Variants in CCDC85C observed in about 807,000 individuals in gnomAD.
CCDC85C encodes coiled-coil domain-containing protein 85C.
Under a neutral mutation model 38.3 loss-of-function variants are expected in CCDC85C, and 18 were observed. The observed-to-expected ratio is 0.47, with a 90% CI of 0.33 to 0.70. The LOEUF (loss-of-function observed/expected upper bound fraction) is 0.70, where lower values mean the gene tolerates loss of function less well. Ranked by LOEUF, CCDC85C falls within the 30% of genes least tolerant of loss-of-function variation. The pLI is 0.03. For missense variants in CCDC85C, 566 were observed against 621.2 expected (o/e 0.91, Z 0.94); for synonymous variants, 264 against 293.8 (o/e 0.90, Z 1.04).
At chr14:99,602,135 A>C (rs2055205407) in intron 1 of CCDC85C, among the ~76,000 whole-genome samples, 1 of 152,230 alleles carries the variant, frequency 6.6e-6, no homozygotes, top group Non-Finnish European at 1.5e-5. Context: ...TACCAGCAGA[A>C]CTGGAAGCCA....
At chr14:99,560,750 G>T (rs960801287) in intron 1 of CCDC85C, among the ~76,000 whole-genome samples, 12 of 152,230 alleles carry the variant, frequency 7.9e-5, no homozygotes, top group African/African-American at 2.9e-4. Context: ...ACAGGTGAGA[G>T]AGTGGCCGCC....
chr14:99,550,513 T>C (rs1897887550), intron 1 of CCDC85C, among the ~76,000 whole-genome samples: 2 of 152,058 alleles, frequency 1.3e-5, no homozygotes, highest in African/African-American at 4.8e-5. Flanking sequence ...CAGGGTGTAG[T>C]CATGTGTGAC....
In CCDC85C at chr14:99,604,136, C is replaced by T. The variant is rs1219756481; in HGVS notation, c.-177G>A. ...CCCGCCGGGGCCGCCCGGGAGCCCG[C>T]GCGCCTCGGGGTTGACGAGCGGAGG... On this transcript the variant is annotated 5_prime_UTR_variant, in exon 1 of 6. Transcript: ENST00000380243. The T allele has an allele frequency of 6.7e-6, 3 of 445,440 alleles. No homozygotes were observed. Among genetic ancestry groups the T allele is most frequent in the South Asian group, 1.9e-4 (2 of 10,682 alleles). 27.6% of individuals were successfully genotyped at this position (445,440 alleles called of 1,614,324 possible).
intron 2 of CCDC85C, among the ~76,000 whole-genome samples, chr14:99,524,964 C>T (rs965079022): frequency 6.6e-6 from 1 of 152,224 alleles, no homozygotes; most frequent in African/African-American, 2.4e-5. Context: ...TTCCCGAATC[C>T]TTAACAGGGT....
chr14:99,566,660 C>T (rs1258239757), intron 1 of CCDC85C, among the ~76,000 whole-genome samples: 2 of 152,180 alleles, frequency 1.3e-5, no homozygotes, highest in Non-Finnish European at 2.9e-5. Context: ...TGGGCAGGCG[C>T]CCACCTCCTA....
Position 99,603,549 on chromosome 14 carries a change from C to G in CCDC85C, c.411G>C (p.Leu137=). The G allele has an allele frequency of 1.4e-6, 2 of 1,392,554 alleles. No homozygotes were observed. Among genetic ancestry groups the G allele is most frequent in the Non-Finnish European group, 1.9e-6 (2 of 1,079,430 alleles). The allele number at this position is 1,392,554 out of a possible 1,614,324, so 86.3% of individuals were successfully genotyped here. ...LRELEARQEA[L]LRENLELKEL... The stretch of plus-strand genomic sequence containing the variant: ...CCTTGAGCTCCAGGTTCTCGCGCAG[C>G]AGGGCCTCCTGGCGCGCCTCGAGCT... The change falls in exon 1 of 6, where the codon CTG becomes CTC. Residue 137 remains leucine (L), a synonymous_variant. Transcript: ENST00000380243. This position sits in a 1 kb window ranked among gnomAD's most constrained non-coding sequence, Gnocchi z 7.5.
At chr14:99,528,853 G>A (rs1293554801) in intron 2 of CCDC85C, among the ~76,000 whole-genome samples, 2 of 152,144 alleles carry the variant, frequency 1.3e-5, no homozygotes, top group Non-Finnish European at 2.9e-5. Flanking sequence ...GACGAGGGGA[G>A]GGAGAGCATC....
rs560979793 is a variant in CCDC85C at position 99,537,078 on chromosome 14, C to T, written c.794-990G>A. Among the ~76,000 whole-genome samples, 60 of 152,218 alleles carry T rather than the reference C, an allele frequency of 3.9e-4. 1 individual carries two copies. In the South Asian group the frequency reaches 4.4e-3, roughly 11 times the overall value. ...GGGAAGCAAGGCTGTCCCAAGTACCCCTGTGAGCCACGAAGCCACCTGGTA... is the reference window on the plus strand; with the variant it reads ...GGGAAGCAAGGCTGTCCCAAGTACCTCTGTGAGCCACGAAGCCACCTGGTA... On this transcript the variant is annotated intron_variant, in intron 1 of 5. Transcript: ENST00000380243.
intron 1 of CCDC85C, among the ~76,000 whole-genome samples, chr14:99,590,364 G>T (rs1023560423): frequency 2.6e-5 from 4 of 152,200 alleles, no homozygotes; most frequent in African/African-American, 4.8e-5. Flanking sequence ...GCTGGAGCAG[G>T]CAGAGGCATT....
chr14:99,603,635 C>A lies in CCDC85C; in HGVS notation c.325G>T (p.Gly109Trp). 1.4e-6 allele frequency: 2 copies of A among 1,470,758 alleles called. No homozygotes were observed. The highest frequency in any genetic ancestry group is 1.8e-6 in the Non-Finnish European group (2 of 1,112,306). 91.1% of individuals were successfully genotyped at this position (1,470,758 alleles called of 1,614,324 possible). A position where few individuals can be genotyped will look rare whatever the true frequency, so the allele number is the denominator to read the frequency against. The change falls in exon 1 of 6, where the codon GGG becomes TGG. Residue 109 changes from glycine to tryptophan, a missense_variant. Physicochemically the swap from Gly to Trp is radical, Grantham distance 184 (BLOSUM62 -2). Transcript: ENST00000380243. This position sits in a 1 kb window ranked among gnomAD's most constrained non-coding sequence, Gnocchi z 7.5. ...CACACGGCGCCGGCCGCGTGGCGCC[C>A]GAAGCGCTGCCACTCGCGCGCCAGC... The part of the protein sequence containing the change: ...RKLAREWQRF[G>W]RHAAGAVWHE...
chr14:99,603,627 G>T lies in CCDC85C; in HGVS notation c.333C>A (p.His111Gln), dbSNP rs923162460. 2.7e-6 allele frequency: 4 copies of T among 1,463,782 alleles called. No homozygotes were observed. The African/African-American group carries it at 5.9e-5, about 22-fold the overall frequency. 90.7% of individuals were successfully genotyped at this position (1,463,782 alleles called of 1,614,324 possible). A position where few individuals can be genotyped will look rare whatever the true frequency, so the allele number is the denominator to read the frequency against. Residue 111 changes from histidine (H) to glutamine (Q), a missense_variant, in exon 1 of 6, where the codon CAC becomes CAA. Physicochemically the swap from His to Gln is conservative, Grantham distance 24. Coordinates refer to ENST00000380243, the MANE Select transcript of CCDC85C (RefSeq NM_001144995.2). This position sits in a 1 kb window ranked among gnomAD's most constrained non-coding sequence, Gnocchi z 7.5. ...LAREWQRFGR[H>Q]AAGAVWHEVA... ...CCTCGTGCCACACGGCGCCGGCCGCGTGGCGCCCGAAGCGCTGCCACTCGC... is the reference window on the plus strand; with the variant it reads ...CCTCGTGCCACACGGCGCCGGCCGCTTGGCGCCCGAAGCGCTGCCACTCGC...
intron 1 of CCDC85C, among the ~76,000 whole-genome samples, chr14:99,581,325 C>G (rs1475921320): frequency 1.3e-5 from 2 of 152,242 alleles, no homozygotes; most frequent in African/African-American, 4.8e-5. Flanking sequence ...CCACACCAAG[C>G]TGGTCAGACC....
Position 99,516,051 on chromosome 14 carries a change from C to CA in CCDC85C, c.1170+136dup. ...TCCTAGCACCTCTGAGGCCTCCCCC[C>CA]AGCTATCCAAGGTCACCCAGCCTTC... On this transcript the variant is annotated intron_variant, in intron 5 of 5. Coordinates refer to ENST00000380243, the MANE Select transcript of CCDC85C (RefSeq NM_001144995.2). This position sits in a 1 kb window ranked among gnomAD's most constrained non-coding sequence, Gnocchi z 5.5. The CA allele has an allele frequency of 1.4e-6, 1 of 716,270 alleles. No individual in the cohort carries two copies. Among genetic ancestry groups the CA allele is most frequent in the Non-Finnish European group, 2.4e-6 (1 of 415,200 alleles). The allele number at this position is 716,270 out of a possible 1,614,324, so 44.4% of individuals were successfully genotyped here.
chr14:99,580,209 TC>T (rs1160191438), intron 1 of CCDC85C: 17 of 437,854 alleles, frequency 3.9e-5, no homozygotes, highest in Non-Finnish European at 7.8e-5. Flanking sequence ...GCCCCGGAGC[TC>T]GGCAGGCCCA....
intron 1 of CCDC85C, chr14:99,573,045 G>T (rs149145585): frequency 3.3e-4 from 110 of 333,198 alleles, no homozygotes; most frequent in African/African-American, 2.2e-3. Flanking sequence ...ACAGAGCCTG[G>T]TGCTAAAAAT....
At chr14:99,546,085 G>A (rs977493052) in intron 1 of CCDC85C, among the ~76,000 whole-genome samples, 1 of 151,878 alleles carries the variant, frequency 6.6e-6, no homozygotes, top group African/African-American at 2.4e-5. Context: ...AACCCTTACC[G>A]AGCCCTAGAA....
chr14:99,572,287 ATGCCATCAC>A lies in CCDC85C; in HGVS notation c.793+30871_793+30879del, dbSNP rs1221580653. ...TCCCTCCCCAGGGATGGGTCTTTTC[ATGCCATCAC>A]TGCCGTCTCCTCCCCGCTACTTTCC... is the stretch of plus-strand genomic sequence containing the variant. On this transcript the variant is annotated intron_variant, in intron 1 of 5. Coordinates refer to ENST00000380243, the MANE Select transcript of CCDC85C (RefSeq NM_001144995.2). This position sits in a 1 kb window ranked among gnomAD's most constrained non-coding sequence, Gnocchi z 4.4. Among the ~76,000 whole-genome samples, 2 of 151,898 alleles carry A rather than the reference ATGCCATCAC, an allele frequency of 1.3e-5. No homozygotes were observed. Among genetic ancestry groups the A allele is most frequent in the African/African-American group, 4.8e-5 (2 of 41,350 alleles).
intron 1 of CCDC85C, among the ~76,000 whole-genome samples, chr14:99,551,707 G>A (rs1321531855): frequency 3.3e-5 from 5 of 151,858 alleles, no homozygotes; most frequent in Non-Finnish European, 7.4e-5. Context: ...GCAGGTGGGT[G>A]AGCAGGTGGG....
At chr14:99,528,093 C>T (rs769387263) in intron 2 of CCDC85C, among the ~76,000 whole-genome samples, 7 of 152,120 alleles carry the variant, frequency 4.6e-5, no homozygotes, top group Non-Finnish European at 8.8e-5. Context: ...GGAAGTGCTC[C>T]CAGGAAAGAA....
Sources: allele counts gnomAD v4.1 joint callset (sites outside exome capture counted in the v4.1 genomes callset), GRCh38; gene constraint gnomAD v4.1.1; non-coding constraint Gnocchi (gnomAD v3.1); transcripts MANE v1.5; gene names NCBI Gene and HGNC (gene_info 2026-07-23, HGNC 2026-07-21).